TMEM131L: variants seen among roughly 807,000 people sequenced by gnomAD.
The protein encoded by TMEM131L is transmembrane 131 like, also known as transmembrane protein 131-like.
A neutral mutation model predicts 192.2 loss-of-function variants in TMEM131L; 54 were observed. The observed-to-expected ratio is 0.28, with a 90% CI of 0.23 to 0.35. The LOEUF (loss-of-function observed/expected upper bound fraction) is 0.35. TMEM131L is among the 10% of genes least tolerant of loss of function. The pLI, the probability that TMEM131L is intolerant of heterozygous loss-of-function variation, is 1.00. For synonymous variants in TMEM131L, 701 were observed against 704.9 expected, an observed-to-expected ratio of 0.99 and a Z score of 0.09; for missense variants, 1,888 against 1,972.9, an observed-to-expected ratio of 0.96 and a Z score of 0.82.
chr4:153,584,780 G>C, intron 11 of TMEM131L, 55 bp from the exon 12 acceptor site: 1 of 1,256,854 alleles, frequency 8.0e-7, no homozygotes, highest in South Asian at 1.2e-5. Flanking sequence ...TTTTGTTCAG[G>C]CTTAATGAAA....
At chr4:153,564,287 C>CAAAAGAAAAAAAAAAAAAA (rs1729047502) in intron 7 of TMEM131L, among the ~76,000 whole-genome samples, 1 of 17,652 alleles carries the variant, frequency 5.7e-5, no homozygotes, top group African/African-American at 1.4e-4. Context: ...AACTCCGTCT[C>CAAAAGAAAAAAAAAAAAAA]AAAAAAAAAA....
intron 16 of TMEM131L, 117 bp from the exon 17 acceptor site, chr4:153,590,936 C>T: frequency 1.7e-6 from 1 of 575,880 alleles, no homozygotes; most frequent in Non-Finnish European, 2.6e-6. Context: ...CCCCAAGAGC[C>T]CTTTTCCTTT....
At chr4:153,547,786 C>G (rs1254361258) in intron 3 of TMEM131L, among the ~76,000 whole-genome samples, 4 of 152,192 alleles carry the variant, frequency 2.6e-5, no homozygotes, top group African/African-American at 4.8e-5. Flanking sequence ...CTCATGTTTC[C>G]CACTTCCACA....
At chr4:153,518,488 G>C (rs995159126) in intron 3 of TMEM131L, among the ~76,000 whole-genome samples, 9 of 152,150 alleles carry the variant, frequency 5.9e-5, no homozygotes, top group African/African-American at 1.9e-4. Context: ...AGAAAAGCTT[G>C]AAAACATAGT....
intron 3 of TMEM131L, among the ~76,000 whole-genome samples, chr4:153,477,787 G>A (rs757312888): frequency 6.6e-6 from 1 of 151,992 alleles, no homozygotes; most frequent in Non-Finnish European, 1.5e-5. Context: ...TCACCTACTG[G>A]CTTTATTTAT....
At chr4:153,592,866 A>T (rs1336026592) in intron 18 of TMEM131L, among the ~76,000 whole-genome samples, 2 of 152,142 alleles carry the variant, frequency 1.3e-5, no homozygotes, top group Non-Finnish European at 2.9e-5. Flanking sequence ...TTTTTTTCAC[A>T]TATACTCCTA....
intron 2 of TMEM131L, among the ~76,000 whole-genome samples, chr4:153,471,433 G>A (rs752878210): frequency 1.6e-4 from 24 of 152,158 alleles, no homozygotes; most frequent in Non-Finnish European, 3.5e-4. Flanking sequence ...CCATGAAGTC[G>A]TCCTAGTGCG....
rs749240464 is a variant in TMEM131L at position 153,632,818 on chromosome 4, G to C, written c.4308G>C (p.Glu1436Asp). Reference protein sequence around the residue: ...LENGVPCVIQESAPVHNSFID... With the variant: ...LENGVPCVIQDSAPVHNSFID... ...ACGGCGTGCCTTGTGTGATTCAGGA[G>C]TCGGCCCCGGTTCATAATAGGTACA... The change falls in exon 32 of 35, where the codon GAG becomes GAC. Residue 1436 changes from glutamate to aspartate, a missense_variant. Coordinates refer to ENST00000409959, the MANE Select transcript of TMEM131L (RefSeq NM_001131007.2). 4.3e-6 allele frequency: 7 copies of C among 1,614,140 alleles called. No homozygotes were observed. In the South Asian group the frequency reaches 7.7e-5, roughly 18 times the overall value.
In TMEM131L at chr4:153,636,484, G is replaced by A. The variant is rs765924699; in HGVS notation, c.4741G>A (p.Ala1581Thr). 1.4e-5 allele frequency: 23 copies of A among 1,614,038 alleles called. No homozygotes were observed. In the South Asian group the frequency reaches 1.4e-4, roughly 10 times the overall value. Reference sequence around the variant, plus strand: ...CTACCCGGGGTTCAACCCGTTTCGCGCCTATATGAACCTGGACATATGGAC... The same window carrying A: ...CTACCCGGGGTTCAACCCGTTTCGCACCTATATGAACCTGGACATATGGAC... ...EYYPGFNPFRAYMNLDIWTTT... is the reference protein window; with the variant it reads ...EYYPGFNPFRTYMNLDIWTTT... The change falls in exon 35 of 35, where the codon GCC becomes ACC. Residue 1581 changes from alanine to threonine, a missense_variant. Ala to Thr is a moderately conservative substitution (Grantham distance 58). Coordinates refer to ENST00000409959, the MANE Select transcript of TMEM131L (RefSeq NM_001131007.2).
chr4:153,546,502 T>C (rs1232163623), intron 3 of TMEM131L, among the ~76,000 whole-genome samples: 2 of 152,232 alleles, frequency 1.3e-5, no homozygotes, highest in Non-Finnish European at 2.9e-5. Context: ...ATTTAAGTTA[T>C]TTCTTTGAAG....
chr4:153,605,074 T>C (rs1015763117), intron 25 of TMEM131L, among the ~76,000 whole-genome samples: 4 of 152,228 alleles, frequency 2.6e-5, no homozygotes, highest in Non-Finnish European at 5.9e-5. Flanking sequence ...TGTTTCTGAC[T>C]GAACAAAACT....
intron 3 of TMEM131L, among the ~76,000 whole-genome samples, chr4:153,485,121 TAA>T (rs768830957): frequency 0.071 from 7,538 of 106,708 alleles, 444 homozygotes; most frequent in East Asian, 0.23. Flanking sequence ...TCTGTCTCAT[TAA>T]AAAAAAAAAA....
chr4:153,574,177 A>G (rs1031547430), intron 7 of TMEM131L, among the ~76,000 whole-genome samples: 1 of 152,218 alleles, frequency 6.6e-6, no homozygotes, highest in Non-Finnish European at 1.5e-5. Context: ...AATGCTATCC[A>G]TATGCAGTAG....
chr4:153,517,842 T>TC (rs1734841822), intron 3 of TMEM131L, among the ~76,000 whole-genome samples: 1 of 152,198 alleles, frequency 6.6e-6, no homozygotes, highest in African/African-American at 2.4e-5. Context: ...CCAATGGTGG[T>TC]AGTAGGCACC....
chr4:153,604,736 G>C (rs1035650837), intron 25 of TMEM131L, among the ~76,000 whole-genome samples: 1 of 152,076 alleles, frequency 6.6e-6, no homozygotes, highest in African/African-American at 2.4e-5. Flanking sequence ...ATGGAGTCTT[G>C]CTCTGTCGTC....
chr4:153,504,337 T>C (rs1242474192), intron 3 of TMEM131L, among the ~76,000 whole-genome samples: 1 of 123,058 alleles, frequency 8.1e-6, no homozygotes, highest in East Asian at 2.7e-4. Flanking sequence ...TGCAGTGCAG[T>C]GGTGTGATCT....
intron 3 of TMEM131L, among the ~76,000 whole-genome samples, chr4:153,544,871 C>T (rs1456558145): frequency 2.6e-5 from 4 of 152,166 alleles, no homozygotes; most frequent in South Asian, 2.1e-4. Flanking sequence ...CACCTGCCTC[C>T]GTGCAGCTGA....
chr4:153,571,627 T>C (rs6829735), intron 7 of TMEM131L, among the ~76,000 whole-genome samples: 18,612 of 152,236 alleles, frequency 0.12, 3,419 homozygotes, highest in African/African-American at 0.4. Flanking sequence ...GTGGTGCAGT[T>C]ACAGTTATTA....
chr4:153,480,605 G>A (rs1284330679), intron 3 of TMEM131L, among the ~76,000 whole-genome samples: 2 of 151,810 alleles, frequency 1.3e-5, no homozygotes, highest in African/African-American at 4.8e-5. Flanking sequence ...TCTCACCAGG[G>A]TTCCACTGGG....
Sources: allele counts gnomAD v4.1 joint callset (sites outside exome capture counted in the v4.1 genomes callset), GRCh38; gene constraint gnomAD v4.1.1; transcripts MANE v1.5; gene names NCBI Gene and HGNC (gene_info 2026-07-23, HGNC 2026-07-21).